CTNNA3: variants seen among roughly 807,000 people sequenced by gnomAD.
The protein encoded by CTNNA3 is catenin alpha-3.
CTNNA3 carries 76 observed loss-of-function variants against 95.7 expected under a neutral mutation model. The observed-to-expected ratio is 0.79, with a 90% CI of 0.66 to 0.96. The LOEUF (loss-of-function observed/expected upper bound fraction) is 0.96, where lower values mean the gene tolerates loss of function less well. Among genes scored for constraint, CTNNA3 ranks in the 40% least tolerant of loss-of-function variants. The pLI, the probability that CTNNA3 is intolerant of heterozygous loss-of-function variation, is 0.00. For missense variants in CTNNA3, 1,191 were observed against 1,089.8 expected, an observed-to-expected ratio of 1.09 and a Z score of -1.31; for synonymous variants, 431 against 374.4, an observed-to-expected ratio of 1.15 and a Z score of -1.74.
intron 6 of CTNNA3, among the ~76,000 whole-genome samples, chr10:67,194,616 C>T (rs1014203826): frequency 1.3e-5 from 2 of 151,366 alleles, no homozygotes; most frequent in Non-Finnish European, 2.9e-5. Context: ...AGTAAAAATA[C>T]TCTACATGAT....
intron 3 of CTNNA3, among the ~76,000 whole-genome samples, chr10:67,592,688 G>A (rs749056001): frequency 2.6e-5 from 4 of 152,026 alleles, no homozygotes; most frequent in Non-Finnish European, 5.9e-5. Context: ...TTTACTCAGA[G>A]GAAAAAATAA....
chr10:66,319,391 A>C (rs1340730152), intron 12 of CTNNA3, among the ~76,000 whole-genome samples: 1 of 152,090 alleles, frequency 6.6e-6, no homozygotes, highest in Non-Finnish European at 1.5e-5. Flanking sequence ...CACCAAGCCT[A>C]CTTTTCAGCT....
intron 7 of CTNNA3, among the ~76,000 whole-genome samples, chr10:66,913,774 C>T (rs1846343443): frequency 6.6e-6 from 1 of 152,062 alleles, no homozygotes; most frequent in South Asian, 2.1e-4. Flanking sequence ...CGGTCTTTAC[C>T]CCAAGCAATC....
At chr10:66,498,381 T>C (rs971650843) in intron 11 of CTNNA3, among the ~76,000 whole-genome samples, 4 of 152,126 alleles carry the variant, frequency 2.6e-5, no homozygotes, top group African/African-American at 9.7e-5. Flanking sequence ...AATTCAATGG[T>C]GCTCAGCCAG....
intron 13 of CTNNA3, among the ~76,000 whole-genome samples, chr10:66,189,617 T>TATATATATATATATACAC (rs151078010): frequency 2.8e-4 from 39 of 140,366 alleles, no homozygotes; most frequent in African/African-American, 1.1e-3. Context: ...TATATATATA[T>TATATATATATATATACAC]ACACACATAC....
intron 7 of CTNNA3, among the ~76,000 whole-genome samples, chr10:66,882,433 T>G (rs1298686960): frequency 6.6e-6 from 1 of 152,122 alleles, no homozygotes; most frequent in Non-Finnish European, 1.5e-5. Flanking sequence ...GAGACAGAGC[T>G]TGAACACTTG....
intron 10 of CTNNA3, among the ~76,000 whole-genome samples, chr10:66,563,670 C>A (rs996818611): frequency 4.6e-5 from 7 of 151,940 alleles, no homozygotes; most frequent in African/African-American, 1.7e-4. Flanking sequence ...GGTCTACATA[C>A]CCCCCTCACA....
intron 5 of CTNNA3, among the ~76,000 whole-genome samples, chr10:67,445,908 C>T (rs1242734315): frequency 6.6e-6 from 1 of 152,110 alleles, no homozygotes; most frequent in Non-Finnish European, 1.5e-5. Context: ...TTCCTGAGGG[C>T]AGAGAAAGCT....
chr10:66,086,537 A>T (rs952570845), intron 14 of CTNNA3, among the ~76,000 whole-genome samples: 3 of 152,176 alleles, frequency 2.0e-5, no homozygotes, highest in Admixed American at 6.6e-5. Context: ...AAATTATTTT[A>T]TTTTACCAAG....
Position 66,256,660 on chromosome 10 carries a change from G to C in CTNNA3, c.1884+23810C>G, listed in dbSNP as rs977165153. Among the ~76,000 whole-genome samples, 26 of 151,868 alleles carry C rather than the reference G, an allele frequency of 1.7e-4. 1 individual carries two copies. The highest frequency in any genetic ancestry group is 5.6e-4 in the African/African-American group (23 of 41,342). ...TGCTTGAACCCGGGAGGCAGAGGTT[G>C]TAGTGAGCTGAAATTGTGCCATAGC... On this transcript the variant is annotated intron_variant, in intron 13 of 17. Transcript: ENST00000433211.
chr10:67,604,863 A>G (rs1333735900), intron 3 of CTNNA3, among the ~76,000 whole-genome samples: 2 of 152,210 alleles, frequency 1.3e-5, no homozygotes, highest in Non-Finnish European at 2.9e-5. Context: ...CAACAAATAT[A>G]TTTCAAATTA....
chr10:66,599,605 C>G (rs1843847180), intron 10 of CTNNA3, among the ~76,000 whole-genome samples: 1 of 151,890 alleles, frequency 6.6e-6, no homozygotes, highest in African/African-American at 2.4e-5. Flanking sequence ...AAACTCATTA[C>G]AGGTGTTTTT....
At chr10:66,003,329 GGT>G (rs376512211) in intron 15 of CTNNA3, among the ~76,000 whole-genome samples, 14 of 149,714 alleles carry the variant, frequency 9.4e-5, no homozygotes, top group Non-Finnish European at 1.2e-4. Flanking sequence ...TGGTGGTGGT[GGT>G]GTGTGTGTGT....
At chr10:67,177,111 T>G (rs1451968057) in intron 7 of CTNNA3, 1 of 375,948 alleles carries the variant, frequency 2.7e-6, no homozygotes, top group African/African-American at 2.1e-5. Flanking sequence ...GGACAGTATA[T>G]ATTAGGGCAA....
At chr10:67,033,585 C>T (rs1239564498) in intron 7 of CTNNA3, among the ~76,000 whole-genome samples, 1 of 152,162 alleles carries the variant, frequency 6.6e-6, no homozygotes, top group Non-Finnish European at 1.5e-5. Context: ...ATGTGCCGAG[C>T]ACTGTTCTAA....
rs1451071914 is a variant in CTNNA3, at chr10:67,237,173, T to TAC, written c.580-17305_580-17304dup. On this transcript the variant is annotated intron_variant, in intron 5 of 17. Coordinates refer to ENST00000433211, the MANE Select transcript of CTNNA3 (RefSeq NM_013266.4). ...ATATATATATATATATATATATATA[T>TAC]ACACACACAATGGAATACTACTCAG... Among the ~76,000 whole-genome samples the TAC allele has an allele frequency of 7.8e-3, 877 of 112,530 alleles. 23 individuals are homozygous for TAC. The highest frequency in any genetic ancestry group is 0.022 in the Middle Eastern group (4 of 182). The allele number at this position is 112,530 out of a possible 152,430, so 73.8% of individuals were successfully genotyped here.
intron 12 of CTNNA3, among the ~76,000 whole-genome samples, chr10:66,315,719 G>T (rs950128352): frequency 1.3e-5 from 2 of 152,002 alleles, no homozygotes; most frequent in Non-Finnish European, 2.9e-5. Context: ...TATTAAATGA[G>T]ATTCTGACCT....
At chr10:67,579,257 A>G (rs1010231568) in intron 3 of CTNNA3, among the ~76,000 whole-genome samples, 1 of 122,078 alleles carries the variant, frequency 8.2e-6, no homozygotes, top group African/African-American at 3.3e-5. Context: ...CCTGTGTCCA[A>G]GTGTTCTCGT....
At chr10:66,332,005 C>A (rs1479195368) in intron 12 of CTNNA3, among the ~76,000 whole-genome samples, 2 of 151,942 alleles carry the variant, frequency 1.3e-5, no homozygotes, top group African/African-American at 4.8e-5. Context: ...CTCTTTGAAG[C>A]AATTGTGAAT....
Sources: allele counts gnomAD v4.1 joint callset (sites outside exome capture counted in the v4.1 genomes callset), GRCh38; gene constraint gnomAD v4.1.1; transcripts MANE v1.5; gene names NCBI Gene and HGNC (gene_info 2026-07-23, HGNC 2026-07-21).